Variants in NUP153 observed in about 807,000 individuals in gnomAD.
NUP153 encodes the protein nucleoporin 153.
Under a neutral mutation model 134.6 loss-of-function variants are expected in NUP153, and 27 were observed. The ratio of observed to expected loss-of-function variants is 0.20; its 90% confidence interval spans 0.15 to 0.28. The LOEUF (loss-of-function observed/expected upper bound fraction) is 0.28. Ranked by LOEUF, NUP153 falls within the 10% of genes least tolerant of loss-of-function variation. The probability of loss-of-function intolerance (pLI) is 1.00; values close to 1 mark genes in which losing one functional copy is unlikely to be tolerated. For missense variants in NUP153, 1,821 were observed against 1,731.3 expected (o/e 1.05, Z -0.92); for synonymous variants, 640 against 623.5 (o/e 1.03, Z -0.40).
chr6:17,667,949 G>C (rs1767644169), intron 8 of NUP153, among the ~76,000 whole-genome samples: 1 of 151,892 alleles, frequency 6.6e-6, no homozygotes, highest in African/African-American at 2.4e-5. Flanking sequence ...TATTTTGTTT[G>C]GCTGATGAGA....
Position 17,665,256 on chromosome 6 carries a change from T to C in NUP153, c.1198A>G (p.Ile400Val), listed in dbSNP as rs1767457551. The C allele has an allele frequency of 6.2e-7, 1 of 1,606,108 alleles. No individual in the cohort carries two copies. The highest frequency in any genetic ancestry group is 1.3e-5 in the African/African-American group (1 of 74,764). Residue 400 changes from isoleucine (I) to valine (V), a missense_variant, in exon 9 of 22, where the codon ATA becomes GTA. By Grantham distance (29) the Ile-to-Val change is conservative. Coordinates refer to ENST00000262077, the MANE Select transcript of NUP153 (RefSeq NM_005124.4). ...SGEFRKTNQR[I>V]DNKCSTGYEK... ...ATACTCACACTGCACTTGTTATCTA[T>C]TCTTTGATTAGTCTTCCTGAATTCA... is the stretch of plus-strand genomic sequence containing the variant.
At chr6:17,623,370 A>C (rs914173698) in intron 20 of NUP153, among the ~76,000 whole-genome samples, 6 of 152,124 alleles carry the variant, frequency 3.9e-5, no homozygotes, top group South Asian at 2.1e-4. Context: ...AAAAAAAAAA[A>C]AAAAAACCTT....
rs572524992 is a variant in NUP153 at position 17,682,080 on chromosome 6, C to T, written c.335-6310G>A. 3.9e-4 allele frequency among the ~76,000 whole-genome samples: 59 copies of T among 152,188 alleles called. 1 individual carries two copies. In the South Asian group the frequency reaches 0.011, roughly 28 times the overall value. On this transcript the variant is annotated intron_variant, in intron 2 of 21. Coordinates refer to ENST00000262077, the MANE Select transcript of NUP153 (RefSeq NM_005124.4). Reference sequence around the variant, plus strand: ...TAAAACATAGCTAGGCATGGCAGCACGCTCTTGTAGTCCCAGCTACCTGGG... The same window carrying T: ...TAAAACATAGCTAGGCATGGCAGCATGCTCTTGTAGTCCCAGCTACCTGGG...
intron 2 of NUP153, among the ~76,000 whole-genome samples, chr6:17,679,242 A>G (rs1581751016): frequency 6.6e-6 from 1 of 152,192 alleles, no homozygotes; most frequent in African/African-American, 2.4e-5. Context: ...TCTAGGCACT[A>G]ATAATGAACA....
At chr6:17,704,083 G>A (rs1770301954) in intron 1 of NUP153, among the ~76,000 whole-genome samples, 2 of 152,224 alleles carry the variant, frequency 1.3e-5, no homozygotes, top group South Asian at 4.1e-4. Flanking sequence ...ACGAGGTCAG[G>A]AGATCGAGAT....
intron 20 of NUP153, among the ~76,000 whole-genome samples, chr6:17,617,031 A>G (rs764299096): frequency 1.3e-5 from 2 of 152,182 alleles, no homozygotes; most frequent in African/African-American, 2.4e-5. Flanking sequence ...TTACAGGCGT[A>G]AGCCACTGCA....
Position 17,646,108 on chromosome 6 carries a change from G to C in NUP153, c.1679C>G (p.Ser560Cys). ...TGGTTCTAAAGTACTACTAGAACCA[G>C]AAAGTTCTGCTGTTTTTGCAACAGG... ...SVPVAKTAELSGSSSTLEPII... is the reference protein window; with the variant it reads ...SVPVAKTAELCGSSSTLEPII... Residue 560 changes from serine (S) to cysteine (C), a missense_variant, in exon 14 of 22, where the codon TCT (serine) becomes TGT (cysteine). Ser to Cys is a moderately radical substitution (Grantham distance 112). Transcript: ENST00000262077. The C allele has an allele frequency of 6.2e-7, 1 of 1,603,046 alleles. No individual in the cohort carries two copies. The highest frequency in any genetic ancestry group is 8.5e-7 in the Non-Finnish European group (1 of 1,170,528).
rs183017762 is a variant in NUP153, at chr6:17,678,100, A to G, written c.335-2330T>C. Among the ~76,000 whole-genome samples, 888 of 152,230 alleles carry G rather than the reference A, an allele frequency of 5.8e-3. 7 individuals are homozygous for G. The highest frequency in any genetic ancestry group is 8.9e-3 in the Non-Finnish European group (603 of 68,018). On this transcript the variant is annotated intron_variant, in intron 2 of 21. Transcript: ENST00000262077. ...GCTGGGCACAGTGGTTCACACCTGTAATCCCAGCACTTTGGGAGGCCAAGG... is the reference window on the plus strand; with the variant it reads ...GCTGGGCACAGTGGTTCACACCTGTGATCCCAGCACTTTGGGAGGCCAAGG...
At chr6:17,672,997 C>G (rs1768004455) in intron 5 of NUP153, among the ~76,000 whole-genome samples, 1 of 152,034 alleles carries the variant, frequency 6.6e-6, no homozygotes, top group Non-Finnish European at 1.5e-5. Context: ...GTAAAAATAT[C>G]TCAGATACGA....
chr6:17,644,036 G>T (rs1346532196), intron 14 of NUP153, among the ~76,000 whole-genome samples: 1 of 151,664 alleles, frequency 6.6e-6, no homozygotes, highest in Admixed American at 6.6e-5. Flanking sequence ...ATTACGTAAG[G>T]CTGTGTTAGC....
Position 17,638,958 on chromosome 6 carries a change from C to T in NUP153, c.1846+981G>A, listed in dbSNP as rs1180825079. On this transcript the variant is annotated intron_variant, in intron 15 of 21. Transcript: ENST00000262077. The surrounding 1 kb of genome is among the most constrained non-coding windows in gnomAD (Gnocchi z 4.0). ...TCCTAAATCCTGTTGTAAAAGCCAACCTTATTTTTTAAGAAAACCTATCTT... is the reference window on the plus strand; with the variant it reads ...TCCTAAATCCTGTTGTAAAAGCCAATCTTATTTTTTAAGAAAACCTATCTT... Among the ~76,000 whole-genome samples, 3 of 152,188 alleles carry T rather than the reference C, an allele frequency of 2.0e-5. No individual in the cohort carries two copies. Among genetic ancestry groups the T allele is most frequent in the East Asian group, 1.9e-4 (1 of 5,200 alleles).
At chr6:17,636,861 T>C (rs1374618800) in intron 16 of NUP153, among the ~76,000 whole-genome samples, 2 of 152,214 alleles carry the variant, frequency 1.3e-5, no homozygotes, top group African/African-American at 4.8e-5. Flanking sequence ...TATTACCCCA[T>C]TCTAAGATCT....
intron 16 of NUP153, among the ~76,000 whole-genome samples, chr6:17,636,929 AGAG>A (rs1412539993): frequency 6.6e-6 from 1 of 152,240 alleles, no homozygotes; most frequent in Non-Finnish European, 1.5e-5. Flanking sequence ...CTGTACAAAA[AGAG>A]GAGGTCGTCA....
In NUP153 at chr6:17,627,093, T is replaced by C. The variant is rs948804466; in HGVS notation, c.3545-929A>G. 2.6e-5 allele frequency among the ~76,000 whole-genome samples: 4 copies of C among 152,318 alleles called. No individual in the cohort carries two copies. The East Asian group carries it at 7.7e-4, about 29-fold the overall frequency. ...TATTCCAATAATCTCTCAGTTCCAA[T>C]ACCGCACACTATCCAGGGCTGGTCA... On this transcript the variant is annotated intron_variant, in intron 18 of 21. Coordinates refer to ENST00000262077, the MANE Select transcript of NUP153 (RefSeq NM_005124.4).
intron 1 of NUP153, among the ~76,000 whole-genome samples, chr6:17,695,663 A>T (rs1194572709): frequency 1.3e-5 from 2 of 152,204 alleles, no homozygotes; most frequent in African/African-American, 2.4e-5. Context: ...AGAAATTTTT[A>T]AAAAACTACT....
chr6:17,674,549 A>G (rs538303688), intron 5 of NUP153, among the ~76,000 whole-genome samples: 2 of 152,272 alleles, frequency 1.3e-5, no homozygotes, highest in East Asian at 3.9e-4. Flanking sequence ...TGGGCGCATC[A>G]CGAGGTCAAG....
chr6:17,624,649 A>T lies in NUP153; in HGVS notation c.4086T>A (p.Phe1362Leu). ...PTGSQPAPPT[F>L]GTVSSSSQPP... is the part of the protein sequence containing the mutation. ...GCTGGCTACTGCTTGACACTGTCCC[A>T]AAAGTAGGTGGTGCAGGCTGAGAAC... The change falls in exon 20 of 22, where the codon TTT becomes TTA. Residue 1362 changes from phenylalanine (F) to leucine (L), a missense_variant. Phe to Leu is a conservative substitution (Grantham distance 22). Transcript: ENST00000262077. 6.2e-7 allele frequency: 1 copy of T among 1,614,188 alleles called. No homozygotes were observed. Among genetic ancestry groups the T allele is most frequent in the Non-Finnish European group, 8.5e-7 (1 of 1,180,024 alleles).
intron 20 of NUP153, among the ~76,000 whole-genome samples, chr6:17,620,415 T>G (rs148303907): frequency 6.6e-6 from 1 of 152,290 alleles, no homozygotes; most frequent in African/African-American, 2.4e-5. Context: ...CTTCAGTAAA[T>G]GGTGCTTGGA....
At chr6:17,619,398 G>C (rs990286013) in intron 20 of NUP153, 2 of 152,108 alleles carry the variant, frequency 1.3e-5, no homozygotes, top group African/African-American at 4.8e-5. Flanking sequence ...CCAGGAAACG[G>C]GTTCCTCTAC....
Sources: allele counts gnomAD v4.1 joint callset (sites outside exome capture counted in the v4.1 genomes callset), GRCh38; gene constraint gnomAD v4.1.1; non-coding constraint Gnocchi (gnomAD v3.1); transcripts MANE v1.5; gene names NCBI Gene and HGNC (gene_info 2026-07-23, HGNC 2026-07-21).